The following ZNF354C variants were observed in gnomAD, a reference collection of about 807,000 sequenced individuals.
ZNF354C encodes the protein KRAB-zinc finger protein synten.
ZNF354C carries 7 observed loss-of-function variants against 12.4 expected under a neutral mutation model. That is an observed-to-expected ratio of 0.56 (90% confidence interval 0.32 to 1.06). ZNF354C has a LOEUF of 1.06. Ranked by LOEUF, ZNF354C falls within the 50% of genes least tolerant of loss-of-function variation. The pLI is 0.04. For synonymous variants in ZNF354C, 202 were observed against 224.5 expected (o/e 0.90, Z 0.90); for missense variants, 609 against 658.0 (o/e 0.93, Z 0.81).
chr5:179,068,218 G>A (rs1231155395), intron 2 of ZNF354C, among the ~76,000 whole-genome samples: 1 of 151,884 alleles, frequency 6.6e-6, no homozygotes, highest in East Asian at 1.9e-4. Context: ...TGAAATGCTA[G>A]TAAAGCAGGA....
chr5:179,076,762 C>T (rs1288456646), intron 3 of ZNF354C, among the ~76,000 whole-genome samples, 191 bp downstream of exon 3: 2 of 152,174 alleles, frequency 1.3e-5, no homozygotes, highest in Non-Finnish European at 2.9e-5. Context: ...CACTCTCCCT[C>T]ACATCCTACC....
intron 2 of ZNF354C, among the ~76,000 whole-genome samples, chr5:179,064,960 G>A (rs1040884460): frequency 6.6e-6 from 1 of 152,104 alleles, no homozygotes; most frequent in Non-Finnish European, 1.5e-5. Context: ...CTGGGGAAAA[G>A]GCACATGGAA....
intron 2 of ZNF354C, among the ~76,000 whole-genome samples, chr5:179,067,290 C>G (rs1291873965): frequency 6.6e-6 from 1 of 152,182 alleles, no homozygotes; most frequent in South Asian, 2.1e-4. Context: ...AGCATCTACC[C>G]ATAATCTCTC....
chr5:179,077,287 T>C (rs1385736639), intron 4 of ZNF354C, 121 bp downstream of exon 4: 3 of 745,996 alleles, frequency 4.0e-6, no homozygotes, highest in African/African-American at 3.5e-5. Flanking sequence ...AGGCCAGTTG[T>C]ATTTTGTTTG....
In ZNF354C at chr5:179,079,884, C is replaced by A. The variant is rs761541929; in HGVS notation, c.1452C>A (p.Thr484=). ...GKAFSQYSFL[T]EHERIHTGEK... ...CCTTCAGCCAGTATTCATTTTTAAC[C>A]GAACATGAGAGGATCCACACTGGAG... Residue 484 remains threonine, a synonymous_variant, in exon 5 of 5, where the codon ACC becomes ACA. Coordinates refer to ENST00000315475, the MANE Select transcript of ZNF354C (RefSeq NM_014594.3). The surrounding 1 kb of genome is among the most constrained non-coding windows in gnomAD (Gnocchi z 4.2). 5.0e-6 allele frequency: 8 copies of A among 1,613,420 alleles called. No individual in the cohort carries two copies. Among genetic ancestry groups the A allele is most frequent in the Non-Finnish European group, 6.8e-6 (8 of 1,179,814 alleles).
rs145036505 is a variant in ZNF354C at position 179,078,361 on chromosome 5, C to T, written c.251-322C>T. Among the ~76,000 whole-genome samples, 132 of 152,224 alleles carry T rather than the reference C, an allele frequency of 8.7e-4. 1 individual carries two copies. The highest frequency in any genetic ancestry group is 1.4e-3 in the Admixed American group (21 of 15,290). On this transcript the variant is annotated intron_variant, in intron 4 of 4. Coordinates refer to ENST00000315475, the MANE Select transcript of ZNF354C (RefSeq NM_014594.3). The stretch of plus-strand genomic sequence containing the variant: ...GAGTGGAGTATCCCATGGTATTCAG[C>T]GTGGGCTTATCATTTGGCATTTTTC...
At chr5:179,070,258 G>A (rs1179045877) in intron 2 of ZNF354C, among the ~76,000 whole-genome samples, 1 of 152,170 alleles carries the variant, frequency 6.6e-6, no homozygotes, top group Non-Finnish European at 1.5e-5. Flanking sequence ...TTTATCCTGA[G>A]ACCATTCCCC....
In ZNF354C at chr5:179,080,119, G is replaced by C. The variant is rs568412009; in HGVS notation, c.*22G>C. ...TTAGTTCATCTCTCAAATAATCCAA[G>C]ACTTCTCACTGGGGAATAAGGGAAT... On this transcript the variant is annotated 3_prime_UTR_variant, in exon 5 of 5. Coordinates refer to ENST00000315475, the MANE Select transcript of ZNF354C (RefSeq NM_014594.3). 1.3e-6 allele frequency: 2 copies of C among 1,486,726 alleles called. No homozygotes were observed. The highest frequency in any genetic ancestry group is 2.7e-5 in the South Asian group (2 of 74,126). 92.1% of individuals were successfully genotyped at this position (1,486,726 alleles called of 1,614,324 possible).
chr5:179,061,208 A>T (rs904191761), intron 1 of ZNF354C, among the ~76,000 whole-genome samples: 31 of 152,328 alleles, frequency 2.0e-4, no homozygotes, highest in African/African-American at 7.2e-4. Flanking sequence ...GGGCACCCTG[A>T]GTCGCCGCTG....
rs767099340 is a variant in ZNF354C at position 179,079,930 on chromosome 5, G to C, written c.1498G>C (p.Glu500Gln). The C allele has an allele frequency of 3.1e-6, 5 of 1,613,934 alleles. No individual in the cohort carries two copies. Among genetic ancestry groups the C allele is most frequent in the Non-Finnish European group, 4.2e-6 (5 of 1,179,944 alleles). Residue 500 changes from glutamate (E) to glutamine (Q), a missense_variant, in exon 5 of 5, where the codon GAA becomes CAA. Coordinates refer to ENST00000315475, the MANE Select transcript of ZNF354C (RefSeq NM_014594.3). This position sits in a 1 kb window ranked among gnomAD's most constrained non-coding sequence, Gnocchi z 4.2. ...TGGAGAGAAACTGTATAAATGTATG[G>C]AATGTGGGAAAGCCTACAGTTACAG... is the stretch of plus-strand genomic sequence containing the variant. ...HTGEKLYKCM[E>Q]CGKAYSYRSN...
chr5:179,070,379 T>C (rs1007817803), intron 2 of ZNF354C, among the ~76,000 whole-genome samples: 1 of 152,166 alleles, frequency 6.6e-6, no homozygotes, highest in Admixed American at 6.5e-5. Flanking sequence ...GCAACATCAG[T>C]AACATTGAGT....
chr5:179,073,156 A>C (rs529452236), intron 2 of ZNF354C, among the ~76,000 whole-genome samples: 2 of 152,350 alleles, frequency 1.3e-5, no homozygotes, highest in South Asian at 4.1e-4. Flanking sequence ...GAGAGAGACA[A>C]AAAAAATCAA....
Position 179,079,632 on chromosome 5 carries a change from C to A in ZNF354C, c.1200C>A (p.Ile400=). ...CCTTCACACGTATTGTAACCCTTAT[C>A]GAACATCAGCGAATTCACACTGGAC... ...GRTFTRIVTL[I]EHQRIHTGQK... Residue 400 remains isoleucine, a synonymous_variant, in exon 5 of 5, where the codon ATC becomes ATA. Coordinates refer to ENST00000315475, the MANE Select transcript of ZNF354C (RefSeq NM_014594.3). The surrounding 1 kb of genome is among the most constrained non-coding windows in gnomAD (Gnocchi z 4.2). 6.2e-7 allele frequency: 1 copy of A among 1,614,118 alleles called. No homozygotes were observed. Among genetic ancestry groups the A allele is most frequent in the Non-Finnish European group, 8.5e-7 (1 of 1,180,026 alleles).
At position 179,080,269 on chromosome 5, in the gene ZNF354C, A is replaced by G. The variant is rs1445844; in HGVS notation, c.*172A>G. The G allele has an allele frequency of 0.7, 302,592 of 430,724 alleles. 107,434 individuals are homozygous for G. The highest frequency in any genetic ancestry group is 0.88 in the East Asian group (24,391 of 27,606). 26.7% of individuals were successfully genotyped at this position (430,724 alleles called of 1,614,324 possible). A position where few individuals can be genotyped will look rare whatever the true frequency, so the allele number is the denominator to read the frequency against. The stretch of plus-strand genomic sequence containing the variant: ...ACTATGAAGAGCACTGACTTGTTAA[A>G]TTTTAAAAGAACCATAAATTCTAAG... On this transcript the variant is annotated 3_prime_UTR_variant, in exon 5 of 5. Coordinates refer to ENST00000315475, the MANE Select transcript of ZNF354C (RefSeq NM_014594.3).
intron 2 of ZNF354C, among the ~76,000 whole-genome samples, chr5:179,069,067 T>C (rs957062936): frequency 1.3e-5 from 2 of 152,214 alleles, no homozygotes; most frequent in Admixed American, 6.5e-5. Flanking sequence ...TTCTGAGGCA[T>C]AGGGGTGGAA....
In ZNF354C at chr5:179,081,252, ACTTAAATC is replaced by A. The variant is rs1561753328; in HGVS notation, c.*1162_*1169del. 6.6e-6 allele frequency: 1 copy of A among 152,132 alleles called. No homozygotes were observed. Among genetic ancestry groups the A allele is most frequent in the African/African-American group, 2.4e-5 (1 of 41,448 alleles). The allele number at this position is 152,132 out of a possible 1,614,324, so 9.4% of individuals were successfully genotyped here. A position where few individuals can be genotyped will look rare whatever the true frequency, so the allele number is the denominator to read the frequency against. ...TTATGCCTGCTTTTGTTATAATTGTACTTAAATCCTTAAAGCTAGCTGAGGTCCAGATA... is the reference window on the plus strand; with the variant it reads ...TTATGCCTGCTTTTGTTATAATTGTACTTAAAGCTAGCTGAGGTCCAGATA... On this transcript the variant is annotated 3_prime_UTR_variant, in exon 5 of 5. Coordinates refer to ENST00000315475, the MANE Select transcript of ZNF354C (RefSeq NM_014594.3).
Position 179,079,679 on chromosome 5 carries a change from A to G in ZNF354C, c.1247A>G (p.Glu416Gly), listed in dbSNP as rs764734038. 25 of 1,614,108 alleles carry G rather than the reference A, an allele frequency of 1.5e-5. No homozygotes were observed. The Admixed American group carries it at 4.0e-4, about 26-fold the overall frequency. Reference sequence around the variant, plus strand: ...GGACAAAAACCTTATCAGTGCAACGAATGTGAGAAAGCCTTCAACCAGTAT... The same window carrying G: ...GGACAAAAACCTTATCAGTGCAACGGATGTGAGAAAGCCTTCAACCAGTAT... ...HTGQKPYQCN[E>G]CEKAFNQYSS... is the part of the protein sequence containing the mutation. Residue 416 changes from glutamate to glycine, a missense_variant, in exon 5 of 5, where the codon GAA (glutamate) becomes GGA (glycine). Glu to Gly is a moderately conservative substitution (Grantham distance 98). Transcript: ENST00000315475. This position sits in a 1 kb window ranked among gnomAD's most constrained non-coding sequence, Gnocchi z 4.2.
chr5:179,075,581 CT>C (rs772186407), intron 2 of ZNF354C, among the ~76,000 whole-genome samples: 2 of 152,298 alleles, frequency 1.3e-5, no homozygotes, highest in African/African-American at 2.4e-5. Context: ...TTTTCTGCCC[CT>C]CTCCACAAAT....
chr5:179,062,707 A>G (rs1313268445), intron 2 of ZNF354C, among the ~76,000 whole-genome samples: 1 of 152,186 alleles, frequency 6.6e-6, no homozygotes, highest in Non-Finnish European at 1.5e-5. Context: ...TGGGCTTTGA[A>G]GCCCAGAAGG....
Sources: gnomAD v4.1 joint callset for allele counts (sites outside exome capture counted in the v4.1 genomes callset) on GRCh38, gnomAD v4.1.1 for gene constraint, Gnocchi (gnomAD v3.1) non-coding constraint, MANE v1.5 for transcripts, NCBI Gene and HGNC (gene_info 2026-07-23, HGNC 2026-07-21) for gene names.